The following GRXCR1 variants were observed in gnomAD, a reference collection of about 807,000 sequenced individuals.
The protein encoded by GRXCR1 is glutaredoxin domain-containing cysteine-rich protein 1.
In GRXCR1, 27 loss-of-function variants were observed where a neutral mutation model predicts 27.3. That is an observed-to-expected ratio of 0.99 (90% CI 0.73 to 1.37). The LOEUF is 1.37. GRXCR1 is among the 40% of genes most tolerant of loss of function. The pLI is 0.00. For synonymous variants in GRXCR1, 122 were observed against 131.1 expected, an observed-to-expected ratio of 0.93 and a Z score of 0.47; for missense variants, 379 against 354.4, an observed-to-expected ratio of 1.07 and a Z score of -0.56.
At chr4:43,003,181 A>T (rs1712434654) in intron 2 of GRXCR1, among the ~76,000 whole-genome samples, 1 of 152,160 alleles carries the variant, frequency 6.6e-6, no homozygotes, top group Admixed American at 6.6e-5. Context: ...TTCTTCATAA[A>T]TTACCCAGTC....
At chr4:43,011,072 T>G (rs1712735116) in intron 2 of GRXCR1, among the ~76,000 whole-genome samples, 1 of 152,192 alleles carries the variant, frequency 6.6e-6, no homozygotes. Context: ...TCCTCTTACC[T>G]ATCACTTTTC....
At chr4:42,988,546 T>C (rs981337730) in intron 2 of GRXCR1, among the ~76,000 whole-genome samples, 2 of 152,206 alleles carry the variant, frequency 1.3e-5, no homozygotes, top group African/African-American at 4.8e-5. Flanking sequence ...TATTAGGAAA[T>C]TGGAATAAAA....
At position 42,952,399 on chromosome 4, in the gene GRXCR1, G is replaced by A. The variant is rs117531984; in HGVS notation, c.385-10493G>A. ...CCTGGGGGATTGAGGCACTGACCTC[G>A]TGAAGGGGCCTACACAAAGCACCAA... On this transcript the variant is annotated intron_variant, in intron 1 of 3. Transcript: ENST00000399770. Among the ~76,000 whole-genome samples the A allele has an allele frequency of 3.5e-4, 54 of 152,128 alleles. No homozygotes were observed. The East Asian group carries it at 9.1e-3, about 26-fold the overall frequency.
intron 2 of GRXCR1, among the ~76,000 whole-genome samples, chr4:43,008,715 G>T (rs1438438523): frequency 6.6e-6 from 1 of 152,118 alleles, no homozygotes. Flanking sequence ...AAGTGAAATT[G>T]AATGAAGAAA....
intron 1 of GRXCR1, among the ~76,000 whole-genome samples, chr4:42,916,440 G>T (rs1161521927): frequency 6.6e-6 from 1 of 152,124 alleles, no homozygotes; most frequent in Non-Finnish European, 1.5e-5. Flanking sequence ...CATTTTTTGA[G>T]ATAATATCGC....
In GRXCR1 at chr4:42,962,971, G is replaced by A. The variant is rs745523569; in HGVS notation, c.464G>A (p.Arg155Lys). 6 of 1,612,868 alleles carry A rather than the reference G, an allele frequency of 3.7e-6. No homozygotes were observed. The South Asian group carries it at 6.6e-5, about 18-fold the overall frequency. ...CLRVVRTTFE[R>K]CELVRKIFQN... Reference sequence around the variant, plus strand: ...CGTGTGGTCCGGACAACCTTTGAAAGATGTGAACTGGTTAGAAAGATTTTC... The same window carrying A: ...CGTGTGGTCCGGACAACCTTTGAAAAATGTGAACTGGTTAGAAAGATTTTC... Residue 155 changes from arginine (R) to lysine (K), a missense_variant, in exon 2 of 4, where the codon AGA becomes AAA. Physicochemically the swap from Arg to Lys is conservative, Grantham distance 26. Coordinates refer to ENST00000399770, the MANE Select transcript of GRXCR1 (RefSeq NM_001080476.3).
chr4:43,000,747 G>A (rs1002948998), intron 2 of GRXCR1, among the ~76,000 whole-genome samples: 1 of 151,958 alleles, frequency 6.6e-6, no homozygotes, highest in African/African-American at 2.4e-5. Context: ...CCACGAGGGG[G>A]TCCTGAAATG....
At chr4:42,906,571 G>C (rs1165299140) in intron 1 of GRXCR1, among the ~76,000 whole-genome samples, 1 of 152,120 alleles carries the variant, frequency 6.6e-6, no homozygotes, top group Non-Finnish European at 1.5e-5. Flanking sequence ...AAAGCTCTCT[G>C]CATGCAGAGC....
chr4:42,972,560 G>C (rs780063461), intron 2 of GRXCR1, among the ~76,000 whole-genome samples: 2 of 152,094 alleles, frequency 1.3e-5, no homozygotes, highest in Non-Finnish European at 2.9e-5. Flanking sequence ...TTAGTCATAA[G>C]AACAATGACA....
At chr4:42,953,549 G>A (rs1747931155) in intron 1 of GRXCR1, among the ~76,000 whole-genome samples, 3 of 152,136 alleles carry the variant, frequency 2.0e-5, no homozygotes, top group Admixed American at 2.0e-4. Context: ...CCCAGCTGGT[G>A]GGAAGTGTAG....
chr4:42,948,872 T>C (rs2109767499), intron 1 of GRXCR1, among the ~76,000 whole-genome samples: 1 of 152,216 alleles, frequency 6.6e-6, no homozygotes, highest in Non-Finnish European at 1.5e-5. Context: ...GACAAGGAAT[T>C]CTCCCCTGAG....
intron 1 of GRXCR1, among the ~76,000 whole-genome samples, chr4:42,916,176 C>G (rs1746882803): frequency 6.6e-6 from 1 of 151,208 alleles, no homozygotes; most frequent in Admixed American, 6.6e-5. Context: ...ATTTGGAACT[C>G]AAGAAATACT....
intron 1 of GRXCR1, among the ~76,000 whole-genome samples, chr4:42,961,840 T>C (rs943296087): frequency 6.6e-6 from 1 of 152,008 alleles, no homozygotes. Context: ...TGGAGGTTAG[T>C]GTCCTACTGG....
intron 1 of GRXCR1, among the ~76,000 whole-genome samples, chr4:42,906,400 C>T (rs1746591844): frequency 6.6e-6 from 1 of 152,152 alleles, no homozygotes; most frequent in South Asian, 2.1e-4. Context: ...TGCTCCATTA[C>T]ATCAAAAGCA....
At chr4:43,014,880 C>T (rs1250933059) in intron 2 of GRXCR1, among the ~76,000 whole-genome samples, 1 of 152,014 alleles carries the variant, frequency 6.6e-6, no homozygotes, top group Non-Finnish European at 1.5e-5. Context: ...GCTGTGTGCC[C>T]GAAGAAGTCA....
At chr4:43,010,648 G>A (rs931727423) in intron 2 of GRXCR1, among the ~76,000 whole-genome samples, 1 of 152,032 alleles carries the variant, frequency 6.6e-6, no homozygotes, top group East Asian at 1.9e-4. Context: ...ATTAATAGCA[G>A]GAGGGTAGTT....
chr4:43,020,642 A>G (rs1203331187), intron 3 of GRXCR1, among the ~76,000 whole-genome samples: 1 of 152,284 alleles, frequency 6.6e-6, no homozygotes, highest in East Asian at 1.9e-4. Flanking sequence ...GGTGAGTGTT[A>G]TGGTCAGCTT....
At chr4:42,921,731 T>C (rs185742881) in intron 1 of GRXCR1, among the ~76,000 whole-genome samples, 2 of 152,290 alleles carry the variant, frequency 1.3e-5, no homozygotes, top group African/African-American at 4.8e-5. Context: ...AATTCCATAA[T>C]GATACCAGAA....
intron 2 of GRXCR1, among the ~76,000 whole-genome samples, chr4:42,994,234 GA>G (rs1037520067): frequency 2.6e-5 from 4 of 152,104 alleles, no homozygotes; most frequent in African/African-American, 9.7e-5. Flanking sequence ...AGCTGCAGGG[GA>G]CAAGGACAAG....
Sources: gnomAD v4.1 joint callset for allele counts (sites outside exome capture counted in the v4.1 genomes callset) on GRCh38, gnomAD v4.1.1 for gene constraint, MANE v1.5 for transcripts, NCBI Gene and HGNC (gene_info 2026-07-23, HGNC 2026-07-21) for gene names.